Variants in UGCG observed in about 807,000 individuals in gnomAD.
UGCG encodes ceramide glucosyltransferase.
In UGCG, 10 loss-of-function variants were observed where a neutral mutation model predicts 49.5. That is an observed-to-expected ratio of 0.20 (90% CI 0.12 to 0.34). The LOEUF (loss-of-function observed/expected upper bound fraction) is 0.34. UGCG is among the 10% of genes least tolerant of loss of function. The pLI is 1.00. For missense variants in UGCG, 312 were observed against 483.7 expected (o/e 0.65, Z 3.33); for synonymous variants, 182 against 158.2 (o/e 1.15, Z -1.13).
At chr9:111,904,429 G>A (rs766527076) in intron 1 of UGCG, among the ~76,000 whole-genome samples, 3 of 152,074 alleles carry the variant, frequency 2.0e-5, no homozygotes, top group Non-Finnish European at 4.4e-5. Flanking sequence ...TCATTCTACC[G>A]CATTCTTGGT....
At position 111,897,081 on chromosome 9, in the gene UGCG, C is replaced by T. The variant is rs1837675264; in HGVS notation, c.-135C>T. ...GCCCGCCCCTTCCGTCCCCACCCCC[C>T]TCCGCCCTTTCCTCTCCCCACCTTC... On this transcript the variant is annotated 5_prime_UTR_variant, in exon 1 of 9. Transcript: ENST00000374279. 1.7e-6 allele frequency: 1 copy of T among 577,230 alleles called. No homozygotes were observed. The highest frequency in any genetic ancestry group is 2.9e-6 in the Non-Finnish European group (1 of 347,752). 35.8% of individuals were successfully genotyped at this position (577,230 alleles called of 1,614,324 possible).
rs570862154 is a variant in UGCG at position 111,904,786 on chromosome 9, C to T, written c.98+7473C>T. Among the ~76,000 whole-genome samples, 6 of 152,218 alleles carry T rather than the reference C, an allele frequency of 3.9e-5. No individual in the cohort carries two copies. In the East Asian group the frequency reaches 7.7e-4, roughly 20 times the overall value. On this transcript the variant is annotated intron_variant, in intron 1 of 8. Transcript: ENST00000374279. ...CTGAGGCAGGAGAATCACTTGAACT[C>T]GGGAGGTGGAGGTTACAGTGAGCCA...
At chr9:111,932,074 C>A in intron 7 of UGCG, 96 bp from the exon 8 acceptor site, 1 of 1,277,912 alleles carries the variant, frequency 7.8e-7, no homozygotes, top group African/African-American at 1.5e-5. Context: ...GTCTTTCTAT[C>A]ACAGGGTAAA....
Position 111,896,978 on chromosome 9 carries a change from G to C in UGCG, c.-238G>C, listed in dbSNP as rs1837671978. 4.9e-6 allele frequency: 1 copy of C among 204,696 alleles called. No homozygotes were observed. Among genetic ancestry groups the C allele is most frequent in the Admixed American group, 7.4e-5 (1 of 13,576 alleles). 12.7% of individuals were successfully genotyped at this position (204,696 alleles called of 1,614,324 possible). A position where few individuals can be genotyped will look rare whatever the true frequency, so the allele number is the denominator to read the frequency against. ...TCGCCCCGACCAGAGCCGGGAGACC[G>C]CAGCACCCGCAGCCGCCCGCGAGCG... On this transcript the variant is annotated 5_prime_UTR_variant, in exon 1 of 9. Transcript: ENST00000374279.
chr9:111,922,666 G>A (rs138423088), intron 2 of UGCG, among the ~76,000 whole-genome samples, 183 bp from the exon 3 acceptor site: 1 of 152,226 alleles, frequency 6.6e-6, no homozygotes, highest in Non-Finnish European at 1.5e-5. Context: ...CTAATTAGAA[G>A]CTTCACTCCA....
intron 1 of UGCG, among the ~76,000 whole-genome samples, chr9:111,911,029 G>A (rs566099979): frequency 6.6e-6 from 1 of 152,318 alleles, no homozygotes; most frequent in Admixed American, 6.5e-5. Flanking sequence ...TTGCAGGCAT[G>A]AGCCACTGTG....
chr9:111,914,223 C>T (rs1485683627), intron 1 of UGCG, among the ~76,000 whole-genome samples: 1 of 152,116 alleles, frequency 6.6e-6, no homozygotes, highest in African/African-American at 2.4e-5. Context: ...CTGCGCTATG[C>T]CTGGCATAGT....
At chr9:111,914,036 A>C (rs1838067000) in intron 1 of UGCG, among the ~76,000 whole-genome samples, 1 of 152,058 alleles carries the variant, frequency 6.6e-6, no homozygotes, top group South Asian at 2.1e-4. Context: ...TCCCACTGCA[A>C]AGAAATTTCT....
At chr9:111,902,553 G>T (rs1837796327) in intron 1 of UGCG, among the ~76,000 whole-genome samples, 1 of 152,246 alleles carries the variant, frequency 6.6e-6, no homozygotes, top group Non-Finnish European at 1.5e-5. Flanking sequence ...CATGGACTAT[G>T]TGAAGTTAGG....
At chr9:111,908,861 T>C (rs540483413) in intron 1 of UGCG, among the ~76,000 whole-genome samples, 1 of 152,340 alleles carries the variant, frequency 6.6e-6, no homozygotes, top group African/African-American at 2.4e-5. Context: ...GAGCCACTTA[T>C]AATACTGCCC....
At chr9:111,899,724 G>A (rs1193218995) in intron 1 of UGCG, among the ~76,000 whole-genome samples, 2 of 151,840 alleles carry the variant, frequency 1.3e-5, no homozygotes, top group African/African-American at 2.4e-5. Context: ...CTTCCTCTTA[G>A]TATTTTTTTC....
chr9:111,932,303 ATG>A lies in UGCG; in HGVS notation c.962_963del (p.Cys321SerfsTer9). ...VFRWDIMVFF[M>X]CHCLAWFIFD... The stretch of plus-strand genomic sequence containing the variant: ...CAGATGGGATATTATGGTATTTTTC[ATG>A]TGTCATTGCCTGGCATGGTTTATAT... On this transcript the variant is annotated frameshift_variant, in exon 8 of 9. Transcript: ENST00000374279. LOFTEE classifies it high-confidence loss of function. The A allele has an allele frequency of 6.2e-7, 1 of 1,614,110 alleles. No homozygotes were observed. The highest frequency in any genetic ancestry group is 8.5e-7 in the Non-Finnish European group (1 of 1,180,010).
chr9:111,917,880 A>C (rs1564201841), intron 2 of UGCG, among the ~76,000 whole-genome samples: 1 of 152,220 alleles, frequency 6.6e-6, no homozygotes, highest in Non-Finnish European at 1.5e-5. Flanking sequence ...GGAGAGATTA[A>C]GCAGTAGCAG....
chr9:111,914,597 C>T lies in UGCG; in HGVS notation c.99-8C>T, dbSNP rs1838077509. ...ATAGAAATAATTTTTATATCATTTG[C>T]TTTTTAGCCGATTACACCTCAACAA... On this transcript the variant is annotated splice_polypyrimidine_tract_variant and splice_region_variant and intron_variant, in intron 1 of 8. Transcript: ENST00000374279. 6.2e-7 allele frequency: 1 copy of T among 1,612,044 alleles called. No individual in the cohort carries two copies. The highest frequency in any genetic ancestry group is 8.5e-7 in the Non-Finnish European group (1 of 1,179,296).
At position 111,907,578 on chromosome 9, in the gene UGCG, G is replaced by A. The variant is rs182375662; in HGVS notation, c.99-7027G>A. 2.5e-3 allele frequency among the ~76,000 whole-genome samples: 371 copies of A among 150,222 alleles called. 3 individuals carry two copies. The highest frequency in any genetic ancestry group is 8.0e-3 in the Admixed American group (121 of 15,116). On this transcript the variant is annotated intron_variant, in intron 1 of 8. Transcript: ENST00000374279. ...AATTTCACCGTGTTGGGTGCTGGAT[G>A]TTTTTGTTTTTCTGGACTGTTGACT... is the stretch of plus-strand genomic sequence containing the variant.
At chr9:111,900,758 G>C (rs543135403) in intron 1 of UGCG, among the ~76,000 whole-genome samples, 1 of 152,206 alleles carries the variant, frequency 6.6e-6, no homozygotes, top group Admixed American at 6.5e-5. Context: ...CTCCCAAAGT[G>C]CTGGGATTAC....
chr9:111,929,413 TA>T (rs1235543941), intron 5 of UGCG, 86 bp from the exon 6 acceptor site: 5 of 1,380,366 alleles, frequency 3.6e-6, no homozygotes, highest in Admixed American at 2.6e-5. Context: ...ATCATACTTA[TA>T]AAAAAACCAT....
At chr9:111,898,464 A>G (rs570574410) in intron 1 of UGCG, among the ~76,000 whole-genome samples, 13 of 151,694 alleles carry the variant, frequency 8.6e-5, no homozygotes, top group African/African-American at 3.1e-4. Context: ...TTTTATTAGT[A>G]TAGTGTGGCA....
intron 5 of UGCG, among the ~76,000 whole-genome samples, 191 bp downstream of exon 5, chr9:111,926,687 C>A (rs1838317227): frequency 6.6e-6 from 1 of 152,084 alleles, no homozygotes. Context: ...GGGACCCTGA[C>A]TGTACCCTGG....
Sources: allele counts gnomAD v4.1 joint callset (sites outside exome capture counted in the v4.1 genomes callset), GRCh38; gene constraint gnomAD v4.1.1; transcripts MANE v1.5; gene names NCBI Gene and HGNC (gene_info 2026-07-23, HGNC 2026-07-21).